The following WDFY3 variants were observed in gnomAD, a reference collection of about 807,000 sequenced individuals.
The protein encoded by WDFY3 is WD repeat and FYVE domain-containing protein 3.
Under a neutral mutation model 409.6 loss-of-function variants are expected in WDFY3, and 66 were observed. That is an observed-to-expected ratio of 0.16 (90% CI 0.13 to 0.20). The LOEUF is 0.20. Ranked by LOEUF, WDFY3 falls within the 10% of genes least tolerant of loss-of-function variation. The pLI, the probability that WDFY3 is intolerant of heterozygous loss-of-function variation, is 1.00. For synonymous variants in WDFY3, 1,521 were observed against 1,537.1 expected, an observed-to-expected ratio of 0.99 and a Z score of 0.25; for missense variants, 3,031 against 4,298.1, an observed-to-expected ratio of 0.71 and a Z score of 8.24.
intron 67 of WDFY3, among the ~76,000 whole-genome samples, chr4:84,673,458 G>A (rs1314872190): frequency 6.6e-6 from 1 of 152,032 alleles, no homozygotes; most frequent in African/African-American, 2.4e-5. Flanking sequence ...AATTACTAAT[G>A]ACTCATTAGT....
In WDFY3 at chr4:84,809,621, A is replaced by G. The variant is rs146983613; in HGVS notation, c.2345+266T>C. 729 of 339,664 alleles carry G rather than the reference A, an allele frequency of 2.1e-3. 5 individuals carry two copies. Among genetic ancestry groups the G allele is most frequent in the African/African-American group, 0.014 (665 of 46,506 alleles). 21.0% of individuals were successfully genotyped at this position (339,664 alleles called of 1,614,324 possible). ...CAACAGTAAACACTATCATTAAAGGAAACTTCATAGAAACTGTTCCAATAA... is the reference window on the plus strand; with the variant it reads ...CAACAGTAAACACTATCATTAAAGGGAACTTCATAGAAACTGTTCCAATAA... On this transcript the variant is annotated intron_variant, in intron 14 of 67. Coordinates refer to ENST00000295888, the MANE Select transcript of WDFY3 (RefSeq NM_014991.6).
intron 51 of WDFY3, among the ~76,000 whole-genome samples, chr4:84,709,728 T>C (rs1364739269): frequency 6.6e-6 from 1 of 152,226 alleles, no homozygotes; most frequent in Non-Finnish European, 1.5e-5. Context: ...TCTGTTTGTT[T>C]TGTTTTGTTC....
intron 51 of WDFY3, among the ~76,000 whole-genome samples, chr4:84,709,733 T>C (rs182959541): frequency 2.9e-4 from 44 of 152,336 alleles, no homozygotes; most frequent in African/African-American, 9.9e-4. Flanking sequence ...TTGTTTTGTT[T>C]TGTTCTGTTT....
At chr4:84,864,047 A>G (rs547542023) in intron 3 of WDFY3, among the ~76,000 whole-genome samples, 1 of 152,264 alleles carries the variant, frequency 6.6e-6, no homozygotes, top group East Asian at 1.9e-4. Flanking sequence ...ATGAATTTTA[A>G]GATTTTTTTT....
At chr4:84,691,222 G>A (rs1020307670) in intron 60 of WDFY3, among the ~76,000 whole-genome samples, 1 of 152,226 alleles carries the variant, frequency 6.6e-6, no homozygotes, top group East Asian at 1.9e-4. Context: ...TTGTGGGATG[G>A]AGCAACAGGT....
chr4:84,911,994 T>C (rs2150750571), intron 2 of WDFY3, among the ~76,000 whole-genome samples: 1 of 152,312 alleles, frequency 6.6e-6, no homozygotes, highest in East Asian at 1.9e-4. Flanking sequence ...GCTCAAATGT[T>C]GCGAGTATTC....
At chr4:84,796,482 AT>A in intron 19 of WDFY3, 38 bp downstream of exon 19, 1 of 1,384,738 alleles carries the variant, frequency 7.2e-7, no homozygotes, top group Non-Finnish European at 9.7e-7. Context: ...AGTATGACGC[AT>A]AAAACCATAA....
chr4:84,682,533 T>G (rs1727548766), intron 63 of WDFY3, 63 bp from the exon 64 acceptor site: 4 of 1,283,348 alleles, frequency 3.1e-6, no homozygotes, highest in Non-Finnish European at 4.5e-6. Context: ...CAATTTACAT[T>G]ACTCAATGAA....
At chr4:84,742,485 T>C (rs976681743) in intron 37 of WDFY3, among the ~76,000 whole-genome samples, 6 of 152,116 alleles carry the variant, frequency 3.9e-5, no homozygotes, top group Non-Finnish European at 7.4e-5. Flanking sequence ...GCCATATACA[T>C]ATTGCTTTCA....
chr4:84,714,877 G>A (rs1733578710), intron 50 of WDFY3, among the ~76,000 whole-genome samples: 2 of 151,376 alleles, frequency 1.3e-5, no homozygotes, highest in South Asian at 4.2e-4. Flanking sequence ...GTGAACCCGG[G>A]AGGCGGAGTT....
At chr4:84,872,469 A>AG (rs935129007) in intron 3 of WDFY3, among the ~76,000 whole-genome samples, 2 of 151,992 alleles carry the variant, frequency 1.3e-5, no homozygotes, top group African/African-American at 4.8e-5. Context: ...TGTCTCAAAA[A>AG]AAAAAAAAAA....
At chr4:84,785,911 A>T in intron 24 of WDFY3, 68 bp downstream of exon 24, 2 of 1,554,496 alleles carry the variant, frequency 1.3e-6, no homozygotes, top group Non-Finnish European at 1.8e-6. Context: ...AGTAGTATCC[A>T]TATGAGACTC....
At chr4:84,717,877 T>C (rs1304803708) in intron 48 of WDFY3, among the ~76,000 whole-genome samples, 1 of 151,782 alleles carries the variant, frequency 6.6e-6, no homozygotes, top group Non-Finnish European at 1.5e-5. Context: ...TGAAACTCTG[T>C]CTCTACTAAA....
In WDFY3 at chr4:84,821,118, C is replaced by A. The variant is rs111487423; in HGVS notation, c.1557G>T (p.Leu519=). 1 of 1,612,918 alleles carries A rather than the reference C, an allele frequency of 6.2e-7. No homozygotes were observed. The highest frequency in any genetic ancestry group is 1.7e-5 in the Admixed American group (1 of 59,796). Residue 519 remains leucine, a synonymous_variant, in exon 11 of 68, where the codon CTG becomes CTT. Transcript: ENST00000295888. Reference sequence around the variant, plus strand: ...TTAGTGCCTGAGTTGGATCCTTCAACAGGGCAGCATATTTATGCAAAAGGT... The same window carrying A: ...TTAGTGCCTGAGTTGGATCCTTCAAAAGGGCAGCATATTTATGCAAAAGGT... The part of the protein sequence containing the change: ...MVNLLHKYAA[L]LKDPTQALNE...
chr4:84,724,376 C>T (rs184971536), intron 46 of WDFY3, 50 bp downstream of exon 46: 4 of 1,550,792 alleles, frequency 2.6e-6, no homozygotes, highest in East Asian at 4.6e-5. Context: ...AATTCAAATA[C>T]AAGAATGTTC....
At chr4:84,710,991 A>G (rs545809455) in intron 51 of WDFY3, among the ~76,000 whole-genome samples, 1 of 152,256 alleles carries the variant, frequency 6.6e-6, no homozygotes, top group African/African-American at 2.4e-5. Flanking sequence ...CAAAACTTAA[A>G]GAGAAATACA....
At chr4:84,949,781 A>C (rs941852465) in intron 1 of WDFY3, among the ~76,000 whole-genome samples, 1 of 152,176 alleles carries the variant, frequency 6.6e-6, no homozygotes, top group East Asian at 1.9e-4. Context: ...CCGCCAAAAA[A>C]ACTACCAAGT....
chr4:84,944,755 G>A (rs1168432634), intron 1 of WDFY3, among the ~76,000 whole-genome samples: 4 of 152,096 alleles, frequency 2.6e-5, no homozygotes, highest in African/African-American at 9.7e-5. Flanking sequence ...TCACGCCACT[G>A]CACTCCAGCC....
At chr4:84,927,367 T>C (rs1435173627) in intron 2 of WDFY3, among the ~76,000 whole-genome samples, 1 of 152,060 alleles carries the variant, frequency 6.6e-6, no homozygotes, top group African/African-American at 2.4e-5. Flanking sequence ...CTCATACAGA[T>C]AATGCCAACT....
Sources: gnomAD v4.1 joint callset for allele counts (sites outside exome capture counted in the v4.1 genomes callset) on GRCh38, gnomAD v4.1.1 for gene constraint, MANE v1.5 for transcripts, NCBI Gene and HGNC (gene_info 2026-07-23, HGNC 2026-07-21) for gene names.